B3GALT1: variants seen among roughly 807,000 people sequenced by gnomAD.
The protein encoded by B3GALT1 is UDP-Gal:betaGlcNAc beta 1,3-galactosyltransferase, polypeptide 1.
B3GALT1 carries 10 observed loss-of-function variants against 23.2 expected under a neutral mutation model. The observed-to-expected ratio is 0.43, with a 90% CI of 0.27 to 0.73. The LOEUF is 0.73. Among genes scored for constraint, B3GALT1 ranks in the 30% least tolerant of loss-of-function variants. The probability of loss-of-function intolerance (pLI) is 0.21; values close to 1 mark genes in which losing one functional copy is unlikely to be tolerated. For synonymous variants in B3GALT1, 156 were observed against 141.5 expected (o/e 1.10, Z -0.73); for missense variants, 299 against 405.4 (o/e 0.74, Z 2.25).
chr2:167,533,187 C>T (rs549534078), intron 2 of B3GALT1, among the ~76,000 whole-genome samples: 1 of 152,076 alleles, frequency 6.6e-6, no homozygotes, highest in East Asian at 1.9e-4. Flanking sequence ...TGTAAATGCC[C>T]TTAATTTTTT....
At chr2:167,690,561 A>G (rs985550274) in intron 3 of B3GALT1, among the ~76,000 whole-genome samples, 1 of 152,128 alleles carries the variant, frequency 6.6e-6, no homozygotes, top group African/African-American at 2.4e-5. Context: ...GGGAAAACAC[A>G]GTTATAAACC....
chr2:167,736,723 G>A (rs1478996522), intron 3 of B3GALT1, among the ~76,000 whole-genome samples: 2 of 152,052 alleles, frequency 1.3e-5, no homozygotes, highest in African/African-American at 4.8e-5. Flanking sequence ...CCAACATGGC[G>A]AAACCCTGTT....
chr2:167,592,715 G>C (rs181799969), intron 2 of B3GALT1, among the ~76,000 whole-genome samples: 18 of 152,140 alleles, frequency 1.2e-4, no homozygotes, highest in Admixed American at 1.2e-3. Context: ...TTTCTATCTT[G>C]GCCATTGCTT....
At chr2:167,755,364 G>C (rs533152470) in intron 3 of B3GALT1, among the ~76,000 whole-genome samples, 1 of 151,634 alleles carries the variant, frequency 6.6e-6, no homozygotes. Context: ...ACGATTGGTT[G>C]ATGTTGCATT....
chr2:167,747,148 T>G (rs1687665813), intron 3 of B3GALT1, among the ~76,000 whole-genome samples: 1 of 152,170 alleles, frequency 6.6e-6, no homozygotes, highest in Non-Finnish European at 1.5e-5. Flanking sequence ...TAAAATGACT[T>G]GATTATTCAT....
chr2:167,322,451 GAAA>G (rs908581126), intron 1 of B3GALT1, among the ~76,000 whole-genome samples: 1 of 151,808 alleles, frequency 6.6e-6, no homozygotes, highest in Non-Finnish European at 1.5e-5. Flanking sequence ...ATTAAATTTA[GAAA>G]AATTCATGTA....
chr2:167,646,617 A>G (rs1236841792), intron 2 of B3GALT1, among the ~76,000 whole-genome samples: 3 of 152,214 alleles, frequency 2.0e-5, no homozygotes, highest in Admixed American at 6.5e-5. Flanking sequence ...GTAAAAATGC[A>G]TCTAGCAAAC....
intron 2 of B3GALT1, among the ~76,000 whole-genome samples, chr2:167,616,148 A>G (rs1685157615): frequency 6.6e-6 from 1 of 152,128 alleles, no homozygotes; most frequent in African/African-American, 2.4e-5. Flanking sequence ...TGGTTATCAA[A>G]TACTGAAAAA....
At chr2:167,638,752 A>T (rs577035453) in intron 2 of B3GALT1, among the ~76,000 whole-genome samples, 10 of 152,030 alleles carry the variant, frequency 6.6e-5, no homozygotes, top group African/African-American at 2.4e-4. Context: ...CATGGTAAAT[A>T]AGAAAAAATT....
At chr2:167,416,615 C>T (rs1029876370) in intron 1 of B3GALT1, among the ~76,000 whole-genome samples, 1 of 152,186 alleles carries the variant, frequency 6.6e-6, no homozygotes, top group Non-Finnish European at 1.5e-5. Flanking sequence ...GGAAGCACCA[C>T]TGGGACTCCA....
chr2:167,707,054 T>C lies in B3GALT1; in HGVS notation c.-352+60088T>C, dbSNP rs61174928. 4.2e-3 allele frequency among the ~76,000 whole-genome samples: 639 copies of C among 152,282 alleles called. 1 individual carries two copies. Among genetic ancestry groups the C allele is most frequent in the African/African-American group, 0.013 (556 of 41,546 alleles). On this transcript the variant is annotated intron_variant, in intron 3 of 4. Coordinates refer to ENST00000392690, the MANE Select transcript of B3GALT1 (RefSeq NM_020981.4). ...TCCAAACAGCCTGTGGAGAGAAACA[T>C]GGAAAGGGAATGAGTTCCCAAGCCC...
At chr2:167,691,372 A>G (rs965592063) in intron 3 of B3GALT1, among the ~76,000 whole-genome samples, 4 of 152,146 alleles carry the variant, frequency 2.6e-5, no homozygotes, top group Non-Finnish European at 5.9e-5. Context: ...TGTTTTGCTC[A>G]CAACTAACAT....
chr2:167,703,992 T>G (rs555661281), intron 3 of B3GALT1, among the ~76,000 whole-genome samples: 4 of 151,872 alleles, frequency 2.6e-5, no homozygotes, highest in African/African-American at 2.4e-5. Context: ...CCTTCCTGGC[T>G]AACACGGTGA....
intron 1 of B3GALT1, among the ~76,000 whole-genome samples, chr2:167,431,364 C>T (rs1698701888): frequency 6.6e-6 from 1 of 152,038 alleles, no homozygotes; most frequent in South Asian, 2.1e-4. Context: ...AGTAATGGAG[C>T]CATGGGAGTT....
At chr2:167,459,253 CT>C (rs1340257799) in intron 1 of B3GALT1, among the ~76,000 whole-genome samples, 1 of 151,992 alleles carries the variant, frequency 6.6e-6, no homozygotes, top group African/African-American at 2.4e-5. Flanking sequence ...TGAAATTACT[CT>C]TTTATTTCCT....
At chr2:167,543,452 A>T (rs1683568002) in intron 2 of B3GALT1, among the ~76,000 whole-genome samples, 1 of 152,204 alleles carries the variant, frequency 6.6e-6, no homozygotes, top group Non-Finnish European at 1.5e-5. Context: ...GATATAAGGT[A>T]TGCTGGGATG....
chr2:167,718,871 C>T (rs1173928215), intron 3 of B3GALT1, among the ~76,000 whole-genome samples: 4 of 152,092 alleles, frequency 2.6e-5, no homozygotes, highest in Non-Finnish European at 5.9e-5. Context: ...TGGCCTGCTT[C>T]AGGGGAGGAC....
intron 1 of B3GALT1, among the ~76,000 whole-genome samples, chr2:167,326,203 T>C (rs1696890707): frequency 2.0e-5 from 3 of 151,884 alleles, no homozygotes; most frequent in African/African-American, 2.4e-5. Context: ...TTTTTTTTTT[T>C]CAGTATACTT....
intron 1 of B3GALT1, among the ~76,000 whole-genome samples, chr2:167,365,806 G>A (rs992426083): frequency 6.6e-6 from 1 of 152,010 alleles, no homozygotes; most frequent in Non-Finnish European, 1.5e-5. Context: ...AAAGAAATCA[G>A]GATGATAATA....
Sources: gnomAD v4.1 joint callset for allele counts (sites outside exome capture counted in the v4.1 genomes callset) on GRCh38, gnomAD v4.1.1 for gene constraint, MANE v1.5 for transcripts, NCBI Gene and HGNC (gene_info 2026-07-23, HGNC 2026-07-21) for gene names.